The following PHRF1 variants were observed in gnomAD, a reference collection of about 807,000 sequenced individuals.
PHRF1 encodes the protein PHD and ring finger domains 1.
A neutral mutation model predicts 128.9 loss-of-function variants in PHRF1; 53 were observed. That is an observed-to-expected ratio of 0.41 (90% CI 0.33 to 0.52). The LOEUF (loss-of-function observed/expected upper bound fraction) is 0.52. Ranked by LOEUF, PHRF1 falls within the 20% of genes least tolerant of loss-of-function variation. The pLI is 0.21. For synonymous variants in PHRF1, 1,178 were observed against 980.6 expected (o/e 1.20, Z -3.76); for missense variants, 2,503 against 2,284.5 (o/e 1.10, Z -1.95).
chr11:587,933 T>C (rs1395567956), intron 4 of PHRF1, among the ~76,000 whole-genome samples: 1 of 152,200 alleles, frequency 6.6e-6, no homozygotes, highest in East Asian at 1.9e-4. Context: ...AAACGTGCAG[T>C]GTATTTTATA....
At position 597,318 on chromosome 11, in the gene PHRF1, G is replaced by A. The variant is rs6598010; in HGVS notation, c.719-77G>A. 830 of 1,521,004 alleles carry A rather than the reference G, an allele frequency of 5.5e-4. 5 individuals are homozygous for A. In the East Asian group the frequency reaches 0.017, roughly 30 times the overall value. The allele number at this position is 1,521,004 out of a possible 1,614,324, so 94.2% of individuals were successfully genotyped here. On this transcript the variant is annotated intron_variant, in intron 7 of 17. Coordinates refer to ENST00000264555, the MANE Select transcript of PHRF1 (RefSeq NM_001286581.2). The surrounding 1 kb of genome is among the most constrained non-coding windows in gnomAD (Gnocchi z 6.5). ...CCCGAGCCAGGGCTGCTACTTGGCC[G>A]GCAGCCACAGGGGGAGCCGTTGGGG...
intron 9 of PHRF1, among the ~76,000 whole-genome samples, chr11:599,165 CCTG>C (rs1412982928): frequency 6.6e-6 from 1 of 151,874 alleles, no homozygotes; most frequent in East Asian, 1.9e-4. Context: ...CGCATGGACT[CCTG>C]CTTTACTCAG....
At chr11:578,795 C>T (rs1010301350) in intron 1 of PHRF1, among the ~76,000 whole-genome samples, 2 of 152,168 alleles carry the variant, frequency 1.3e-5, no homozygotes, top group African/African-American at 2.4e-5. Context: ...AAGTGATCTG[C>T]CTGCCTCAGC....
Position 597,153 on chromosome 11 carries a change from G to C in PHRF1, c.718+133G>C. 9.7e-7 allele frequency: 1 copy of C among 1,030,136 alleles called. No homozygotes were observed. Among genetic ancestry groups the C allele is most frequent in the African/African-American group, 1.6e-5 (1 of 62,506 alleles). 63.8% of individuals were successfully genotyped at this position (1,030,136 alleles called of 1,614,324 possible). On this transcript the variant is annotated intron_variant, in intron 7 of 17. Coordinates refer to ENST00000264555, the MANE Select transcript of PHRF1 (RefSeq NM_001286581.2). This position sits in a 1 kb window ranked among gnomAD's most constrained non-coding sequence, Gnocchi z 6.5. ...TCTCATGGGGGTTAGGGTTGGCTGC[G>C]GTGTCGGGAGGACATCTAGGGCTGT...
At chr11:598,233 G>A (rs1169866020) in intron 8 of PHRF1, 140 bp from the exon 9 acceptor site, 6 of 1,247,510 alleles carry the variant, frequency 4.8e-6, no homozygotes, top group Non-Finnish European at 5.4e-6. Flanking sequence ...GCCGGGCCGT[G>A]GCTGCTGCAG....
intron 1 of PHRF1, among the ~76,000 whole-genome samples, chr11:580,135 G>T (rs1311184380): frequency 6.6e-6 from 1 of 152,230 alleles, no homozygotes; most frequent in Non-Finnish European, 1.5e-5. Flanking sequence ...ACAGAGTGCT[G>T]CAGGGCCGGC....
Position 606,581 on chromosome 11 carries a change from A to T in PHRF1, c.1594A>T (p.Ser532Cys), listed in dbSNP as rs953756335. 5 of 1,605,608 alleles carry T rather than the reference A, an allele frequency of 3.1e-6. No individual in the cohort carries two copies. The highest frequency in any genetic ancestry group is 4.2e-6 in the Non-Finnish European group (5 of 1,176,528). The change falls in exon 13 of 18, where the codon AGC becomes TGC. Residue 532 changes from serine (S) to cysteine (C), a missense_variant. Ser to Cys is a moderately radical substitution (Grantham distance 112). Transcript: ENST00000264555. ...CATCATCCACCGCGACGGCTCCCTCAGCGCCAAGAGGGCGGGTGAGTGCCT... is the reference window on the plus strand; with the variant it reads ...CATCATCCACCGCGACGGCTCCCTCTGCGCCAAGAGGGCGGGTGAGTGCCT... ...DVIIHRDGSLSAKRAAPVSFQ... is the reference protein window; with the variant it reads ...DVIIHRDGSLCAKRAAPVSFQ...
chr11:583,278 G>A (rs1854324163), intron 3 of PHRF1, among the ~76,000 whole-genome samples: 2 of 152,010 alleles, frequency 1.3e-5, no homozygotes, highest in Non-Finnish European at 2.9e-5. Context: ...GTCGGAGGTT[G>A]CAGTGAGCCA....
At chr11:581,673 A>G in intron 2 of PHRF1, 67 bp downstream of exon 2, 1 of 1,434,430 alleles carries the variant, frequency 7.0e-7, no homozygotes. Context: ...TTCCCTTTGG[A>G]GGTCGTCTGT....
intron 3 of PHRF1, among the ~76,000 whole-genome samples, chr11:582,771 A>G (rs959773664): frequency 1.5e-4 from 23 of 151,054 alleles, no homozygotes; most frequent in Admixed American, 1.2e-3. Context: ...TGATCCGCCC[A>G]CCTCAGCCTC....
At chr11:589,758 A>C (rs1033767911) in intron 4 of PHRF1, among the ~76,000 whole-genome samples, 1 of 152,262 alleles carries the variant, frequency 6.6e-6, no homozygotes, top group Non-Finnish European at 1.5e-5. Flanking sequence ...GTGTCTGCAA[A>C]CGGGCACGGA....
At chr11:587,223 A>G (rs200720688) in intron 3 of PHRF1, 36 bp from the exon 4 acceptor site, 5 of 1,604,488 alleles carry the variant, frequency 3.1e-6, no homozygotes, top group Non-Finnish European at 4.3e-6. Flanking sequence ...CACGCTGCCC[A>G]TCCTGCTTGC....
Position 609,301 on chromosome 11 carries a change from A to T in PHRF1, c.3845A>T (p.Gln1282Leu). 6.2e-7 allele frequency: 1 copy of T among 1,612,546 alleles called. No individual in the cohort carries two copies. The highest frequency in any genetic ancestry group is 8.5e-7 in the Non-Finnish European group (1 of 1,179,878). ...DDFSSDAVFIQLDDMSSPPSP... is the reference protein window; with the variant it reads ...DDFSSDAVFILLDDMSSPPSP... ...TTCTCAAGCGACGCCGTTTTCATCCAGCTCGATGACATGAGCTCGCCACCT... is the reference window on the plus strand; with the variant it reads ...TTCTCAAGCGACGCCGTTTTCATCCTGCTCGATGACATGAGCTCGCCACCT... Residue 1282 changes from glutamine (Q) to leucine (L), a missense_variant, in exon 14 of 18, where the codon CAG becomes CTG. Gln to Leu is a moderately radical substitution (Grantham distance 113, BLOSUM62 -2). Coordinates refer to ENST00000264555, the MANE Select transcript of PHRF1 (RefSeq NM_001286581.2).
rs764541479 is a variant in PHRF1 at position 607,072 on chromosome 11, T to G, written c.1616T>G (p.Val539Gly). ...TGACTTTTTTGTTTTTTAGCTCCAG[T>G]TTCTTTTCAGCGAAACTCAGGCAGT... ...GSLSAKRAAP[V>G]SFQRNSGSLS... The change falls in exon 14 of 18, where the codon GTT (valine) becomes GGT (glycine). Residue 539 changes from valine (V) to glycine (G), a missense_variant. By Grantham distance (109) the Val-to-Gly change is moderately radical. Transcript: ENST00000264555. The G allele has an allele frequency of 2.6e-6, 4 of 1,553,480 alleles. No homozygotes were observed. The highest frequency in any genetic ancestry group is 3.5e-6 in the Non-Finnish European group (4 of 1,148,992).
At chr11:610,444 C>T (rs1856299716) in intron 15 of PHRF1, 57 bp from the exon 16 acceptor site, 3 of 1,565,846 alleles carry the variant, frequency 1.9e-6, no homozygotes, top group African/African-American at 2.7e-5. Flanking sequence ...CTCACAGCTC[C>T]TGGGCACAGA....
chr11:589,989 C>T (rs1338580825), intron 4 of PHRF1, among the ~76,000 whole-genome samples: 2 of 148,556 alleles, frequency 1.3e-5, no homozygotes, highest in Non-Finnish European at 3.0e-5. Context: ...GGGCACGGAG[C>T]GTGTGGGGCT....
chr11:578,649 T>C (rs1854026913), intron 1 of PHRF1, among the ~76,000 whole-genome samples: 1 of 152,174 alleles, frequency 6.6e-6, no homozygotes, highest in African/African-American at 2.4e-5. Flanking sequence ...CACTGCAGCC[T>C]CGAACTCCTG....
rs768772914 is a variant in PHRF1, at chr11:581,600, G to A, written c.88G>A (p.Asp30Asn). The change falls in exon 2 of 18, where the codon GAC (aspartate) becomes AAC (asparagine). Residue 30 changes from aspartate to asparagine, a missense_variant. Asp to Asn is a conservative substitution (Grantham distance 23). Transcript: ENST00000264555. ...PQVGPADPAGDFEESSVGSSG... is the reference protein window; with the variant it reads ...PQVGPADPAGNFEESSVGSSG... The stretch of plus-strand genomic sequence containing the variant: ...GGTCGGCCCTGCGGACCCGGCAGGT[G>A]ACTTTGGTGAGCTGCCTAGCGCCGG... 1.2e-6 allele frequency: 2 copies of A among 1,612,428 alleles called. No individual in the cohort carries two copies. Among genetic ancestry groups the A allele is most frequent in the South Asian group, 1.1e-5 (1 of 90,950 alleles).
At chr11:587,559 G>A in intron 4 of PHRF1, 95 bp downstream of exon 4, 1 of 1,312,576 alleles carries the variant, frequency 7.6e-7, no homozygotes. Context: ...TGAGGTTCTA[G>A]TTGTCTGCTC....
Sources: allele counts gnomAD v4.1 joint callset (sites outside exome capture counted in the v4.1 genomes callset), GRCh38; gene constraint gnomAD v4.1.1; non-coding constraint Gnocchi (gnomAD v3.1); transcripts MANE v1.5; gene names NCBI Gene and HGNC (gene_info 2026-07-23, HGNC 2026-07-21).